The following SPAG16 variants were observed in gnomAD, a reference collection of about 807,000 sequenced individuals.
SPAG16 encodes the protein sperm-associated antigen 16 protein.
A neutral mutation model predicts 80.4 loss-of-function variants in SPAG16; 86 were observed. The ratio of observed to expected loss-of-function variants is 1.07; its 90% confidence interval spans 0.90 to 1.28. SPAG16 has a LOEUF of 1.28. SPAG16 is among the 50% of genes most tolerant of loss of function. The probability of loss-of-function intolerance (pLI) is 0.00; values close to 1 mark genes in which losing one functional copy is unlikely to be tolerated. For synonymous variants in SPAG16, 294 were observed against 265.9 expected, an observed-to-expected ratio of 1.11 and a Z score of -1.03; for missense variants, 870 against 765.3, an observed-to-expected ratio of 1.14 and a Z score of -1.61.
intron 10 of SPAG16, among the ~76,000 whole-genome samples, chr2:213,533,679 T>C (rs1470858664): frequency 6.6e-6 from 1 of 152,180 alleles, no homozygotes; most frequent in African/African-American, 2.4e-5. Context: ...ATTTTTCCTC[T>C]GAATATAAAT....
intron 10 of SPAG16, among the ~76,000 whole-genome samples, chr2:213,822,792 G>A (rs1040927944): frequency 3.3e-5 from 5 of 152,028 alleles, no homozygotes; most frequent in African/African-American, 1.2e-4. Flanking sequence ...TGTTCTCAAG[G>A]TTCAACTCCC....
intron 10 of SPAG16, among the ~76,000 whole-genome samples, chr2:213,674,906 G>T (rs896680098): frequency 6.0e-5 from 9 of 149,456 alleles, no homozygotes; most frequent in Non-Finnish European, 1.2e-4. Flanking sequence ...ACCCAGTAAT[G>T]GGATGGCTGA....
chr2:214,376,736 T>G (rs1388790543), intron 15 of SPAG16, among the ~76,000 whole-genome samples: 1 of 152,144 alleles, frequency 6.6e-6, no homozygotes, highest in East Asian at 1.9e-4. Context: ...TTGACCTTTT[T>G]GAAAAGGGAA....
chr2:213,425,820 A>G (rs1309319901), intron 9 of SPAG16, among the ~76,000 whole-genome samples: 2 of 152,182 alleles, frequency 1.3e-5, no homozygotes, highest in Non-Finnish European at 2.9e-5. Flanking sequence ...ACATGCTGAC[A>G]TGACATTTTA....
At chr2:214,010,310 T>C (rs2124935822) in intron 12 of SPAG16, among the ~76,000 whole-genome samples, 2 of 145,922 alleles carry the variant, frequency 1.4e-5, no homozygotes, top group East Asian at 3.9e-4. Flanking sequence ...AGAGAAAATA[T>C]TAAACGTAAA....
chr2:213,764,939 T>C (rs2068852255), intron 10 of SPAG16, among the ~76,000 whole-genome samples: 1 of 152,252 alleles, frequency 6.6e-6, no homozygotes, highest in Non-Finnish European at 1.5e-5. Flanking sequence ...CAATTATAAA[T>C]GCTTGACTCA....
At chr2:214,168,012 A>G (rs562781676) in intron 15 of SPAG16, among the ~76,000 whole-genome samples, 1 of 107,820 alleles carries the variant, frequency 9.3e-6, no homozygotes, top group African/African-American at 3.5e-5. Flanking sequence ...TTTTTTTGAG[A>G]TAGAGTCTTG....
rs180821367 is a variant in SPAG16 at position 214,262,893 on chromosome 2, A to C, written c.1720+113627A>C. Among the ~76,000 whole-genome samples, 9 of 152,236 alleles carry C rather than the reference A, an allele frequency of 5.9e-5. No individual in the cohort carries two copies. In the East Asian group the frequency reaches 1.7e-3, roughly 29 times the overall value. On this transcript the variant is annotated intron_variant, in intron 15 of 15. Transcript: ENST00000331683. ...TTTGATGTTAAATTGTGGTGTTTTT[A>C]AACAAACAGTATCATTTTATTTTAT... is the stretch of plus-strand genomic sequence containing the variant.
At chr2:213,576,691 G>A (rs2060138619) in intron 10 of SPAG16, among the ~76,000 whole-genome samples, 1 of 152,128 alleles carries the variant, frequency 6.6e-6, no homozygotes, top group Admixed American at 6.6e-5. Context: ...GATGGAGCTG[G>A]AGGCCATTAT....
intron 15 of SPAG16, among the ~76,000 whole-genome samples, chr2:214,299,243 CTTTTTTTT>C (rs33961996): frequency 8.7e-5 from 5 of 57,684 alleles, no homozygotes; most frequent in Admixed American, 2.4e-4. Context: ...GTGTAGTATA[CTTTTTTTT>C]TTTTTTTTTT....
At chr2:214,261,762 G>A (rs537774923) in intron 15 of SPAG16, among the ~76,000 whole-genome samples, 76 of 152,060 alleles carry the variant, frequency 5.0e-4, no homozygotes, top group African/African-American at 1.7e-3. Flanking sequence ...GTATATACCT[G>A]TATAATTACA....
chr2:213,303,867 C>T, intron 3 of SPAG16, among the ~76,000 whole-genome samples: 1 of 152,146 alleles, frequency 6.6e-6, no homozygotes, highest in Non-Finnish European at 1.5e-5. Context: ...TTTCGATATA[C>T]TGATTTCCTT....
intron 10 of SPAG16, among the ~76,000 whole-genome samples, chr2:213,796,489 GAAT>G (rs1350321786): frequency 6.6e-6 from 1 of 152,052 alleles, no homozygotes; most frequent in Non-Finnish European, 1.5e-5. Context: ...TTTTATGACT[GAAT>G]AATATTCCAT....
At chr2:214,067,329 T>C (rs1427625203) in intron 13 of SPAG16, among the ~76,000 whole-genome samples, 1 of 152,130 alleles carries the variant, frequency 6.6e-6, no homozygotes, top group Admixed American at 6.6e-5. Context: ...TTTTAGAAAA[T>C]ATGTATATTG....
intron 15 of SPAG16, among the ~76,000 whole-genome samples, chr2:214,260,610 T>C (rs1437664042): frequency 5.9e-5 from 9 of 152,158 alleles, no homozygotes; most frequent in Non-Finnish European, 8.8e-5. Context: ...TCCTATTAAG[T>C]CTTGTTCTCT....
chr2:214,260,545 A>ATTAT (rs1691066030), intron 15 of SPAG16, among the ~76,000 whole-genome samples: 1 of 85,212 alleles, frequency 1.2e-5, no homozygotes, highest in South Asian at 4.8e-4. Flanking sequence ...TTAAAAGTCT[A>ATTAT]TTATTTCTTT....
intron 13 of SPAG16, among the ~76,000 whole-genome samples, chr2:214,023,330 T>C (rs1373266401): frequency 6.6e-6 from 1 of 151,776 alleles, no homozygotes; most frequent in Non-Finnish European, 1.5e-5. Context: ...CCAAAATGAC[T>C]GACTGGTTTG....
At chr2:213,358,451 C>T (rs561547205) in intron 7 of SPAG16, among the ~76,000 whole-genome samples, 1 of 152,240 alleles carries the variant, frequency 6.6e-6, no homozygotes, top group East Asian at 1.9e-4. Context: ...AGGCTTTGTT[C>T]ATTTCTTTTT....
chr2:213,599,680 A>T (rs2060996831), intron 10 of SPAG16, among the ~76,000 whole-genome samples: 1 of 152,068 alleles, frequency 6.6e-6, no homozygotes, highest in Non-Finnish European at 1.5e-5. Flanking sequence ...GGCTATTAGT[A>T]GTTTGTTGTT....
Sources: gnomAD v4.1 joint callset for allele counts (sites outside exome capture counted in the v4.1 genomes callset) on GRCh38, gnomAD v4.1.1 for gene constraint, MANE v1.5 for transcripts, NCBI Gene and HGNC (gene_info 2026-07-23, HGNC 2026-07-21) for gene names.